The following GRM7 variants were observed in gnomAD, a reference collection of about 807,000 sequenced individuals.
GRM7 encodes the protein metabotropic glutamate receptor 7.
GRM7 carries 35 observed loss-of-function variants against 84.5 expected under a neutral mutation model. The observed-to-expected ratio is 0.41, with a 90% CI of 0.32 to 0.55. GRM7 has a LOEUF of 0.55. GRM7 is among the 20% of genes least tolerant of loss of function. GRM7 has a pLI of 0.19. For missense variants in GRM7, 1,003 were observed against 1,194.6 expected (o/e 0.84, Z 2.36); for synonymous variants, 487 against 455.1 (o/e 1.07, Z -0.89).
At chr3:7,327,499 A>G (rs559868171) in intron 4 of GRM7, among the ~76,000 whole-genome samples, 2 of 152,320 alleles carry the variant, frequency 1.3e-5, no homozygotes, top group South Asian at 2.1e-4. Context: ...TCCAGTTAAC[A>G]TATTCATATT....
chr3:6,991,110 G>A (rs143735605), intron 1 of GRM7, among the ~76,000 whole-genome samples: 4 of 151,950 alleles, frequency 2.6e-5, no homozygotes, highest in African/African-American at 4.8e-5. Context: ...ACACACACAC[G>A]GATGCCCTCT....
At chr3:7,461,791 T>C in intron 7 of GRM7, 69 bp downstream of exon 7, 1 of 1,438,024 alleles carries the variant, frequency 7.0e-7, no homozygotes, top group Middle Eastern at 1.8e-4. Context: ...TGCTCAGTTA[T>C]ACAAATGTTT....
intron 2 of GRM7, among the ~76,000 whole-genome samples, chr3:7,172,976 T>C (rs1695034416): frequency 6.6e-6 from 1 of 152,228 alleles, no homozygotes; most frequent in East Asian, 1.9e-4. Context: ...TGTGTATGTG[T>C]ATATATAGAT....
intron 2 of GRM7, among the ~76,000 whole-genome samples, chr3:7,259,357 A>C (rs1350885684): frequency 6.6e-6 from 1 of 152,186 alleles, no homozygotes; most frequent in Non-Finnish European, 1.5e-5. Context: ...ATGGGAGTTT[A>C]TTGTAAAGAT....
intron 9 of GRM7, among the ~76,000 whole-genome samples, chr3:7,715,054 A>T (rs2125168324): frequency 6.6e-6 from 1 of 152,314 alleles, no homozygotes; most frequent in Admixed American, 6.5e-5. Context: ...TTTGGGAGAT[A>T]AATAGCCGAT....
intron 2 of GRM7, among the ~76,000 whole-genome samples, chr3:7,296,915 T>C (rs1269415309): frequency 6.6e-6 from 1 of 152,016 alleles, no homozygotes; most frequent in East Asian, 1.9e-4. Context: ...TCTTGAGTAA[T>C]GGATCTGTAG....
At chr3:7,390,251 G>C (rs1694939528) in intron 4 of GRM7, among the ~76,000 whole-genome samples, 3 of 151,988 alleles carry the variant, frequency 2.0e-5, no homozygotes, top group Admixed American at 6.6e-5. Context: ...TATGTTTATA[G>C]GTAACATGAC....
chr3:7,550,321 T>A (rs1693388971), intron 7 of GRM7, among the ~76,000 whole-genome samples: 1 of 124,676 alleles, frequency 8.0e-6, no homozygotes, highest in Non-Finnish European at 1.6e-5. Context: ...CCTTCCTGTC[T>A]TCCTCCCTTT....
At chr3:7,635,266 A>C (rs1698041670) in intron 8 of GRM7, among the ~76,000 whole-genome samples, 1 of 152,256 alleles carries the variant, frequency 6.6e-6, no homozygotes, top group Non-Finnish European at 1.5e-5. Context: ...ACCAGAGAGT[A>C]GATGGGACTT....
At chr3:7,354,670 C>T (rs183795233) in intron 4 of GRM7, among the ~76,000 whole-genome samples, 1 of 152,246 alleles carries the variant, frequency 6.6e-6, no homozygotes, top group Non-Finnish European at 1.5e-5. Flanking sequence ...GTGAAGAAGA[C>T]AGATGGATCC....
At chr3:7,659,623 G>A (rs1042913514) in intron 8 of GRM7, among the ~76,000 whole-genome samples, 1 of 152,192 alleles carries the variant, frequency 6.6e-6, no homozygotes, top group Non-Finnish European at 1.5e-5. Flanking sequence ...CATTATGTAA[G>A]TGAGACATCT....
In GRM7 at chr3:7,659,154, A is replaced by T. The variant is rs375361533; in HGVS notation, c.2452-20895A>T. Among the ~76,000 whole-genome samples, 17 of 152,346 alleles carry T rather than the reference A, an allele frequency of 1.1e-4. No individual in the cohort carries two copies. In the South Asian group the frequency reaches 3.1e-3, roughly 28 times the overall value. ...CCAAATGAAATGAACATTAGCTGTA[A>T]CTTACTGAATCTTGAAAATGTTCCC... On this transcript the variant is annotated intron_variant, in intron 8 of 9. Coordinates refer to ENST00000357716, the MANE Select transcript of GRM7 (RefSeq NM_000844.4).
chr3:7,431,879 G>A (rs1395505231), intron 5 of GRM7, among the ~76,000 whole-genome samples: 1 of 152,098 alleles, frequency 6.6e-6, no homozygotes, highest in Non-Finnish European at 1.5e-5. Flanking sequence ...AAATAAATAT[G>A]CATTCAAATG....
intron 2 of GRM7, among the ~76,000 whole-genome samples, chr3:7,176,518 G>A (rs1271129151): frequency 3.3e-5 from 5 of 152,008 alleles, no homozygotes; most frequent in East Asian, 1.9e-4. Context: ...GAAAATATAC[G>A]CAATTGACCT....
At chr3:7,309,327 G>T (rs1700309216) in intron 4 of GRM7, among the ~76,000 whole-genome samples, 1 of 152,158 alleles carries the variant, frequency 6.6e-6, no homozygotes, top group African/African-American at 2.4e-5. Flanking sequence ...AACTATAAAT[G>T]GAGCAGAGCC....
chr3:7,307,409 A>T (rs1398141206), intron 4 of GRM7, among the ~76,000 whole-genome samples: 2 of 152,204 alleles, frequency 1.3e-5, no homozygotes, highest in Non-Finnish European at 2.9e-5. Context: ...CTGATGGGCC[A>T]TGTCTCCAAA....
At chr3:7,485,463 C>G (rs950186241) in intron 7 of GRM7, among the ~76,000 whole-genome samples, 1 of 152,220 alleles carries the variant, frequency 6.6e-6, no homozygotes, top group African/African-American at 2.4e-5. Flanking sequence ...TCTAATACCA[C>G]AAGTCCCTAA....
chr3:7,536,908 A>G (rs763785889), intron 7 of GRM7, among the ~76,000 whole-genome samples: 1 of 152,202 alleles, frequency 6.6e-6, no homozygotes, highest in Non-Finnish European at 1.5e-5. Context: ...AATATTTGTT[A>G]AGTTACAACA....
Position 7,151,403 on chromosome 3 carries a change from T to C in GRM7, c.736+4735T>C, listed in dbSNP as rs1012532809. Among the ~76,000 whole-genome samples the C allele has an allele frequency of 6.6e-6, 1 of 152,080 alleles. No homozygotes were observed. Among genetic ancestry groups the C allele is most frequent in the African/African-American group, 2.4e-5 (1 of 41,416 alleles). Reference sequence around the variant, plus strand: ...GCCTGGGAGACAGAGCAAGACTCTGTCTCAAAACAAACAACAAACAAACAA... The same window carrying C: ...GCCTGGGAGACAGAGCAAGACTCTGCCTCAAAACAAACAACAAACAAACAA... On this transcript the variant is annotated intron_variant, in intron 2 of 9. Transcript: ENST00000357716. The surrounding 1 kb of genome is among the most constrained non-coding windows in gnomAD (Gnocchi z 4.5).
Sources: gnomAD v4.1 joint callset for allele counts (sites outside exome capture counted in the v4.1 genomes callset) on GRCh38, gnomAD v4.1.1 for gene constraint, Gnocchi (gnomAD v3.1) non-coding constraint, MANE v1.5 for transcripts, NCBI Gene and HGNC (gene_info 2026-07-23, HGNC 2026-07-21) for gene names.